SENP7: variants seen among roughly 807,000 people sequenced by gnomAD.
The protein encoded by SENP7 is SUMO specific peptidase 7, also known as sentrin-specific protease 7.
In SENP7, 64 loss-of-function variants were observed where a neutral mutation model predicts 141.2. The ratio of observed to expected loss-of-function variants is 0.45; its 90% CI spans 0.37 to 0.56. SENP7 has a LOEUF of 0.56. SENP7 is among the 20% of genes least tolerant of loss of function. SENP7 has a pLI of 0.00. For missense variants in SENP7, 1,025 were observed against 1,212.2 expected, an observed-to-expected ratio of 0.85 and a Z score of 2.29; for synonymous variants, 382 against 426.4, an observed-to-expected ratio of 0.90 and a Z score of 1.28.
intron 1 of SENP7, among the ~76,000 whole-genome samples, chr3:101,505,014 G>A (rs987486893): frequency 5.9e-5 from 9 of 151,946 alleles, no homozygotes; most frequent in South Asian, 2.1e-4. Context: ...GCAGTGGGCC[G>A]TTTTTGCACC....
At chr3:101,439,193 G>C (rs891789297) in intron 4 of SENP7, among the ~76,000 whole-genome samples, 4 of 104,754 alleles carry the variant, frequency 3.8e-5, no homozygotes, top group Non-Finnish European at 8.1e-5. Flanking sequence ...CGCCCCATCT[G>C]GGATGTGAGG....
chr3:101,405,497 A>C (rs2061275790), intron 5 of SENP7, among the ~76,000 whole-genome samples: 1 of 152,100 alleles, frequency 6.6e-6, no homozygotes, highest in Admixed American at 6.6e-5. Context: ...CAGAAAACCA[A>C]CTCTGGTAAT....
At chr3:101,419,026 T>C (rs367743701) in intron 4 of SENP7, among the ~76,000 whole-genome samples, 2 of 152,162 alleles carry the variant, frequency 1.3e-5, no homozygotes, top group Non-Finnish European at 2.9e-5. Context: ...ATTATTTAAT[T>C]AGAATTCTAA....
intron 8 of SENP7, among the ~76,000 whole-genome samples, chr3:101,367,490 A>G (rs2060067398): frequency 6.6e-6 from 1 of 152,118 alleles, no homozygotes; most frequent in Non-Finnish European, 1.5e-5. Context: ...CAAGCAAAAA[A>G]AAATGACTAG....
intron 4 of SENP7, among the ~76,000 whole-genome samples, chr3:101,430,949 A>G (rs1242196308): frequency 1.3e-5 from 2 of 152,218 alleles, no homozygotes; most frequent in Non-Finnish European, 2.9e-5. Flanking sequence ...CCCAGCAGTC[A>G]TTCAGGAGCA....
At chr3:101,460,955 T>A in intron 3 of SENP7, among the ~76,000 whole-genome samples, 1 of 151,208 alleles carries the variant, frequency 6.6e-6, no homozygotes. Context: ...GGTATAGTAT[T>A]CAAAATTTAA....
intron 6 of SENP7, among the ~76,000 whole-genome samples, chr3:101,389,869 G>C (rs894602329): frequency 1.3e-5 from 2 of 152,128 alleles, no homozygotes; most frequent in African/African-American, 4.8e-5. Context: ...CAAAATGCAG[G>C]AGTTAAGTCC....
At chr3:101,419,768 C>A (rs2061732837) in intron 4 of SENP7, among the ~76,000 whole-genome samples, 1 of 152,112 alleles carries the variant, frequency 6.6e-6, no homozygotes, top group Non-Finnish European at 1.5e-5. Flanking sequence ...GTAAGTTTCC[C>A]AAGAAATTGC....
At chr3:101,483,448 G>C (rs1438452033) in intron 3 of SENP7, among the ~76,000 whole-genome samples, 2 of 152,080 alleles carry the variant, frequency 1.3e-5, no homozygotes, top group Admixed American at 1.3e-4. Flanking sequence ...GGCAAAAACA[G>C]ACATTGGGGA....
chr3:101,491,824 C>G (rs532132018), intron 3 of SENP7, among the ~76,000 whole-genome samples: 23 of 152,266 alleles, frequency 1.5e-4, no homozygotes, highest in African/African-American at 5.3e-4. Flanking sequence ...GGGCACGGTG[C>G]CTCATGCCTG....
rs116506724 is a variant in SENP7, at chr3:101,367,885, T to C, written c.923A>G (p.Asn308Ser). The C allele has an allele frequency of 4.2e-4, 673 of 1,611,100 alleles. 3 individuals carry two copies. In the African/African-American group the frequency reaches 7.3e-3, roughly 18 times the overall value. The change falls in exon 8 of 24, where the codon AAT (asparagine) becomes AGT (serine). Residue 308 changes from asparagine to serine, a missense_variant. Around this residue, in one of 4 missense-constraint regions of SENP7, gnomAD observed 496 missense variants for 503.5 expected, o/e 0.99. Coordinates refer to ENST00000394095, the MANE Select transcript of SENP7 (RefSeq NM_020654.5). Reference sequence around the variant, plus strand: ...ACAATATTGAGAATCAGGTAAATTATTTCTAAGCCTTCTCTTTGTCTTCCT... The same window carrying C: ...ACAATATTGAGAATCAGGTAAATTACTTCTAAGCCTTCTCTTTGTCTTCCT... ...ISRKTKRRLR[N>S]NLPDSQYCTS...
chr3:101,394,172 T>C (rs761864044), intron 6 of SENP7, among the ~76,000 whole-genome samples: 5 of 152,208 alleles, frequency 3.3e-5, no homozygotes, highest in Non-Finnish European at 7.3e-5. Context: ...TCAACTTATT[T>C]AAGCTCTCAC....
chr3:101,452,845 A>G (rs1433589204), intron 4 of SENP7, among the ~76,000 whole-genome samples: 1 of 152,240 alleles, frequency 6.6e-6, no homozygotes, highest in African/African-American at 2.4e-5. Context: ...CAATGGCAAC[A>G]AAAGCCAAAA....
In SENP7 at chr3:101,399,403, A is replaced by G. The variant is rs140407008; in HGVS notation, c.483-348T>C. 6.0e-4 allele frequency among the ~76,000 whole-genome samples: 91 copies of G among 152,330 alleles called. 2 individuals carry two copies. In the East Asian group the frequency reaches 0.013, roughly 22 times the overall value. ...ATTATTAAAAACACAGCTTACTACAAATCAATTCAAGAAATCTTTGTTCTT... is the reference window on the plus strand; with the variant it reads ...ATTATTAAAAACACAGCTTACTACAGATCAATTCAAGAAATCTTTGTTCTT... On this transcript the variant is annotated intron_variant, in intron 5 of 23. Coordinates refer to ENST00000394095, the MANE Select transcript of SENP7 (RefSeq NM_020654.5).
chr3:101,414,464 C>G, intron 5 of SENP7: 1 of 1,400,016 alleles, frequency 7.1e-7, no homozygotes, highest in Non-Finnish European at 1.0e-6. Flanking sequence ...GCCCAGTGTA[C>G]CACGCAATGC....
At chr3:101,472,951 T>C (rs996387453) in intron 3 of SENP7, among the ~76,000 whole-genome samples, 1 of 152,170 alleles carries the variant, frequency 6.6e-6, no homozygotes, top group African/African-American at 2.4e-5. Flanking sequence ...TGTTGTCCCC[T>C]TCTGTGTCCA....
At chr3:101,373,309 A>G (rs2060231047) in intron 6 of SENP7, among the ~76,000 whole-genome samples, 1 of 152,158 alleles carries the variant, frequency 6.6e-6, no homozygotes, top group Non-Finnish European at 1.5e-5. Flanking sequence ...TCAACCCTCA[A>G]GAATCATTCT....
intron 4 of SENP7, among the ~76,000 whole-genome samples, chr3:101,428,840 T>C (rs987714563): frequency 6.6e-6 from 1 of 152,256 alleles, no homozygotes. Context: ...TACAGTTAAG[T>C]CTTTAATCCA....
rs185219421 is a variant in SENP7 at position 101,491,911 on chromosome 3, G to T, written c.186+1962C>A. Among the ~76,000 whole-genome samples the T allele has an allele frequency of 3.8e-3, 586 of 152,266 alleles. 1 individual carries two copies. Among genetic ancestry groups the T allele is most frequent in the Middle Eastern group, 6.8e-3 (2 of 294 alleles). On this transcript the variant is annotated intron_variant, in intron 3 of 23. Transcript: ENST00000394095. ...GTTCGAGACCAGCCTGACCAACATG[G>T]AGAAACCACACCTCTACTAAAAAAT...
Sources: allele counts gnomAD v4.1 joint callset (sites outside exome capture counted in the v4.1 genomes callset), GRCh38; gene constraint gnomAD v4.1.1; regional missense constraint gnomAD v4.1.1; transcripts MANE v1.5; gene names NCBI Gene and HGNC (gene_info 2026-07-23, HGNC 2026-07-21).